DSCAM: variants seen among roughly 807,000 people sequenced by gnomAD.
The protein encoded by DSCAM is cell adhesion molecule DSCAM.
In DSCAM, 47 loss-of-function variants were observed where a neutral mutation model predicts 217.7. That is an observed-to-expected ratio of 0.22 (90% confidence interval 0.17 to 0.28). The LOEUF (loss-of-function observed/expected upper bound fraction) is 0.28, where lower values mean the gene tolerates loss of function less well. DSCAM is among the 10% of genes least tolerant of loss of function. The pLI, the probability that DSCAM is intolerant of heterozygous loss-of-function variation, is 1.00. For synonymous variants in DSCAM, 1,056 were observed against 1,015.3 expected, an observed-to-expected ratio of 1.04 and a Z score of -0.76; for missense variants, 2,080 against 2,618.3, an observed-to-expected ratio of 0.79 and a Z score of 4.49.
chr21:40,597,045 C>A (rs1178790409), intron 3 of DSCAM, among the ~76,000 whole-genome samples: 1 of 152,118 alleles, frequency 6.6e-6, no homozygotes, highest in Non-Finnish European at 1.5e-5. Flanking sequence ...AAGATTATAG[C>A]TGTTTACAAA....
chr21:40,719,774 A>C (rs1011892368), intron 1 of DSCAM, among the ~76,000 whole-genome samples: 8 of 152,182 alleles, frequency 5.3e-5, no homozygotes, highest in African/African-American at 1.9e-4. Context: ...AGTCAGAATA[A>C]AGTTTGCCCG....
chr21:40,646,493 T>C (rs1021597216), intron 3 of DSCAM, among the ~76,000 whole-genome samples: 9 of 152,108 alleles, frequency 5.9e-5, no homozygotes, highest in African/African-American at 1.7e-4. Context: ...TCACGTGGCA[T>C]TGACTGATCT....
At chr21:40,090,578 T>A (rs935819782) in intron 21 of DSCAM, among the ~76,000 whole-genome samples, 1 of 152,176 alleles carries the variant, frequency 6.6e-6, no homozygotes, top group Non-Finnish European at 1.5e-5. Flanking sequence ...TTTGCAAGCA[T>A]CTGTTTTGAA....
At chr21:40,586,876 G>T (rs574544822) in intron 3 of DSCAM, among the ~76,000 whole-genome samples, 2 of 152,098 alleles carry the variant, frequency 1.3e-5, no homozygotes, top group Non-Finnish European at 2.9e-5. Context: ...AACAGAAGAA[G>T]GCTGGACTCT....
chr21:40,112,574 A>G (rs2089913012), intron 20 of DSCAM, among the ~76,000 whole-genome samples: 3 of 152,216 alleles, frequency 2.0e-5, no homozygotes. Flanking sequence ...ATCAGAGCAG[A>G]ACTGAATGAA....
chr21:40,225,814 G>A (rs1432533820), intron 11 of DSCAM, among the ~76,000 whole-genome samples: 1 of 152,166 alleles, frequency 6.6e-6, no homozygotes. Flanking sequence ...GGAGAAGAAA[G>A]TAGAGGGCAG....
At chr21:40,060,084 A>G (rs1386799915) in intron 28 of DSCAM, among the ~76,000 whole-genome samples, 3 of 152,196 alleles carry the variant, frequency 2.0e-5, no homozygotes, top group Non-Finnish European at 4.4e-5. Flanking sequence ...CACCTATTGG[A>G]GGAGCTTGAA....
chr21:40,366,731 G>A (rs932826474), intron 4 of DSCAM, among the ~76,000 whole-genome samples: 3 of 152,006 alleles, frequency 2.0e-5, no homozygotes, highest in Non-Finnish European at 4.4e-5. Flanking sequence ...TGCAGGAGAG[G>A]ATGAAATGAG....
chr21:40,242,773 G>GT (rs1257121114), intron 11 of DSCAM, among the ~76,000 whole-genome samples: 1 of 152,212 alleles, frequency 6.6e-6, no homozygotes, highest in Non-Finnish European at 1.5e-5. Flanking sequence ...CAACCCCACA[G>GT]TGGGCATATT....
chr21:40,375,957 C>G (rs1040509120), intron 3 of DSCAM, among the ~76,000 whole-genome samples: 3 of 152,074 alleles, frequency 2.0e-5, no homozygotes, highest in Non-Finnish European at 4.4e-5. Flanking sequence ...ATGAATTATT[C>G]TTTCATTATG....
At chr21:40,038,939 T>G (rs1256902573) in intron 32 of DSCAM, among the ~76,000 whole-genome samples, 1 of 146,650 alleles carries the variant, frequency 6.8e-6, no homozygotes, top group East Asian at 2.1e-4. Flanking sequence ...ACGCCGCATA[T>G]TCTCACTCAT....
rs192629300 is a variant in DSCAM at position 40,011,008 on chromosome 21, A to T, written c.*2026T>A. On this transcript the variant is annotated 3_prime_UTR_variant, in exon 33 of 33. Coordinates refer to ENST00000400454, the MANE Select transcript of DSCAM (RefSeq NM_001389.5). The stretch of plus-strand genomic sequence containing the variant: ...ATTCTAGAGGCAGACATAATGTAGA[A>T]TTTTTTTATTTTTGTACAGGTTGAG... 94 of 152,260 alleles carry T rather than the reference A, an allele frequency of 6.2e-4. 1 individual carries two copies. Among genetic ancestry groups the T allele is most frequent in the Admixed American group, 5.9e-3 (91 of 15,298 alleles). 9.4% of individuals were successfully genotyped at this position (152,260 alleles called of 1,614,324 possible). A position where few individuals can be genotyped will look rare whatever the true frequency, so the allele number is the denominator to read the frequency against.
At chr21:40,684,734 G>C (rs1004430630) in intron 3 of DSCAM, among the ~76,000 whole-genome samples, 2 of 152,158 alleles carry the variant, frequency 1.3e-5, no homozygotes, top group African/African-American at 4.8e-5. Flanking sequence ...ATTTTAGCTT[G>C]TCGATAATAA....
chr21:40,175,303 G>A (rs931835870), intron 15 of DSCAM, among the ~76,000 whole-genome samples: 2 of 151,990 alleles, frequency 1.3e-5, no homozygotes, highest in African/African-American at 4.8e-5. Flanking sequence ...TAGTAGAGAC[G>A]GAGTTTAGCC....
chr21:40,109,284 C>T (rs189869535), intron 20 of DSCAM, among the ~76,000 whole-genome samples: 107 of 151,488 alleles, frequency 7.1e-4, no homozygotes, highest in African/African-American at 2.0e-3. Context: ...TTATAAGAAA[C>T]GTAAACAAAT....
intron 3 of DSCAM, among the ~76,000 whole-genome samples, chr21:40,514,186 G>A (rs939501086): frequency 1.3e-5 from 2 of 152,212 alleles, no homozygotes; most frequent in East Asian, 1.9e-4. Context: ...GACAGGTATG[G>A]TGAACCCTAC....
intron 3 of DSCAM, among the ~76,000 whole-genome samples, chr21:40,402,625 G>T (rs2075246746): frequency 6.7e-6 from 1 of 149,162 alleles, no homozygotes; most frequent in African/African-American, 2.5e-5. Flanking sequence ...TAGATAAACA[G>T]GATTAAAAAA....
intron 1 of DSCAM, among the ~76,000 whole-genome samples, chr21:40,749,542 T>A (rs538515839): frequency 1.2e-3 from 182 of 152,206 alleles, no homozygotes; most frequent in African/African-American, 4.2e-3. Context: ...CACCTTAGAA[T>A]GGTTATCATC....
At chr21:40,556,903 C>G (rs2076676823) in intron 3 of DSCAM, among the ~76,000 whole-genome samples, 1 of 152,020 alleles carries the variant, frequency 6.6e-6, no homozygotes, top group South Asian at 2.1e-4. Context: ...TCACAAAGTT[C>G]TCCATCCTCA....
Sources: allele counts gnomAD v4.1 joint callset (sites outside exome capture counted in the v4.1 genomes callset), GRCh38; gene constraint gnomAD v4.1.1; transcripts MANE v1.5; gene names NCBI Gene and HGNC (gene_info 2026-07-23, HGNC 2026-07-21).